SMYD3: variants seen among roughly 807,000 people sequenced by gnomAD.
The protein encoded by SMYD3 is SET and MYND domain containing 3, also known as histone-lysine N-methyltransferase SMYD3.
Under a neutral mutation model 57.7 loss-of-function variants are expected in SMYD3, and 36 were observed. The observed-to-expected ratio is 0.62, with a 90% CI of 0.48 to 0.82. SMYD3 has a LOEUF of 0.82. Ranked by LOEUF, SMYD3 falls within the 40% of genes least tolerant of loss-of-function variation. The pLI is 0.00. For missense variants in SMYD3, 515 were observed against 538.8 expected (o/e 0.96, Z 0.44); for synonymous variants, 211 against 195.0 (o/e 1.08, Z -0.68).
chr1:246,005,354 C>T lies in SMYD3; in HGVS notation c.532-75417G>A, dbSNP rs558831666. ...AAAGCAAACGCTTACAGCTGGAAGACCATCACATATGGTGGAGCCAACGCT... is the reference window on the plus strand; with the variant it reads ...AAAGCAAACGCTTACAGCTGGAAGATCATCACATATGGTGGAGCCAACGCT... On this transcript the variant is annotated intron_variant, in intron 5 of 11. Coordinates refer to ENST00000490107, the MANE Select transcript of SMYD3 (RefSeq NM_001167740.2). 5.9e-5 allele frequency among the ~76,000 whole-genome samples: 9 copies of T among 152,308 alleles called. No homozygotes were observed. The East Asian group carries it at 1.7e-3, about 29-fold the overall frequency.
intron 1 of SMYD3, among the ~76,000 whole-genome samples, chr1:246,470,484 G>C (rs2067943967): frequency 7.3e-6 from 1 of 137,146 alleles, no homozygotes; most frequent in East Asian, 2.1e-4. Flanking sequence ...GACAGAGCAA[G>C]AATCTGTCTA....
At chr1:246,319,544 T>C (rs2065214229) in intron 5 of SMYD3, among the ~76,000 whole-genome samples, 1 of 152,234 alleles carries the variant, frequency 6.6e-6, no homozygotes, top group Admixed American at 6.5e-5. Context: ...ATTCAAAAGA[T>C]TGCTTTCTTT....
intron 5 of SMYD3, among the ~76,000 whole-genome samples, chr1:245,960,705 T>A (rs1053413196): frequency 6.6e-6 from 1 of 150,724 alleles, no homozygotes; most frequent in Non-Finnish European, 1.5e-5. Flanking sequence ...CCAGCCTGGG[T>A]GACAGAAACC....
intron 5 of SMYD3, among the ~76,000 whole-genome samples, chr1:245,988,135 CA>C (rs2058741813): frequency 4.1e-5 from 6 of 146,248 alleles, no homozygotes; most frequent in African/African-American, 7.6e-5. Context: ...CACACACACA[CA>C]CACACCGCCA....
chr1:246,157,403 T>A (rs1558275485), intron 5 of SMYD3, among the ~76,000 whole-genome samples: 1 of 152,164 alleles, frequency 6.6e-6, no homozygotes, highest in Non-Finnish European at 1.5e-5. Flanking sequence ...AGCAATTCTG[T>A]TTCTTATAAA....
chr1:246,088,347 C>A (rs73139826), intron 5 of SMYD3, among the ~76,000 whole-genome samples: 12,180 of 151,996 alleles, frequency 0.08, 599 homozygotes, highest in African/African-American at 0.13. Context: ...AGAGTAATCA[C>A]GCCTGTAATC....
chr1:246,478,910 G>T (rs12070678), intron 1 of SMYD3, among the ~76,000 whole-genome samples: 5 of 29,008 alleles, frequency 1.7e-4, no homozygotes, highest in South Asian at 2.2e-3. Flanking sequence ...ATAAGTGCTC[G>T]TATATGTACA....
chr1:246,443,462 C>T (rs565710578), intron 1 of SMYD3, among the ~76,000 whole-genome samples: 8 of 152,258 alleles, frequency 5.3e-5, no homozygotes, highest in South Asian at 2.1e-4. Flanking sequence ...CTCAGAAAAG[C>T]GATTCAGCAA....
intron 10 of SMYD3, among the ~76,000 whole-genome samples, chr1:245,791,254 G>A (rs1051107198): frequency 3.3e-5 from 5 of 152,118 alleles, no homozygotes; most frequent in Admixed American, 2.0e-4. Flanking sequence ...AAAATCAGTT[G>A]GGGGAAAGAG....
At chr1:246,111,398 C>T (rs1299242222) in intron 5 of SMYD3, 1 of 152,206 alleles carries the variant, frequency 6.6e-6, no homozygotes, top group Non-Finnish European at 1.5e-5. Flanking sequence ...ACTGAGCAAG[C>T]AGTGGTCCTT....
At chr1:246,375,167 T>C (rs2066255037) in intron 1 of SMYD3, among the ~76,000 whole-genome samples, 1 of 152,080 alleles carries the variant, frequency 6.6e-6, no homozygotes, top group Admixed American at 6.6e-5. Context: ...ACTGATCAGG[T>C]GACAAATATG....
intron 5 of SMYD3, chr1:246,193,775 A>T (rs2062781666): frequency 6.6e-6 from 1 of 152,260 alleles, no homozygotes; most frequent in Non-Finnish European, 1.5e-5. Flanking sequence ...AGTTCTTCCG[A>T]GCCGCAGACG....
At chr1:245,922,004 T>A (rs969372392) in intron 7 of SMYD3, among the ~76,000 whole-genome samples, 2 of 152,190 alleles carry the variant, frequency 1.3e-5, no homozygotes, top group Admixed American at 1.3e-4. Flanking sequence ...ATTATTTTTT[T>A]AAAAATCACA....
intron 5 of SMYD3, among the ~76,000 whole-genome samples, chr1:246,018,785 T>C (rs2059421131): frequency 6.7e-6 from 1 of 149,352 alleles, no homozygotes; most frequent in South Asian, 2.1e-4. Context: ...TTTTTTTTCC[T>C]GTAGAGATGG....
intron 10 of SMYD3, among the ~76,000 whole-genome samples, chr1:245,853,624 G>A (rs1307982983): frequency 2.0e-5 from 3 of 152,136 alleles, no homozygotes; most frequent in Admixed American, 1.3e-4. Flanking sequence ...AGAACAACTG[G>A]AGTTCTTCAG....
intron 8 of SMYD3, among the ~76,000 whole-genome samples, chr1:245,905,077 G>A (rs111514366): frequency 3.3e-5 from 5 of 151,960 alleles, no homozygotes; most frequent in Admixed American, 6.6e-5. Flanking sequence ...CTTGGGCCCC[G>A]AATAACCAGC....
At chr1:246,029,984 A>T (rs2059642423) in intron 5 of SMYD3, among the ~76,000 whole-genome samples, 2 of 150,396 alleles carry the variant, frequency 1.3e-5, no homozygotes, top group South Asian at 4.2e-4. Flanking sequence ...CAATCCCAGC[A>T]CTGGGTTTCC....
intron 8 of SMYD3, among the ~76,000 whole-genome samples, chr1:245,877,018 G>A (rs923668286): frequency 6.6e-6 from 1 of 152,144 alleles, no homozygotes; most frequent in African/African-American, 2.4e-5. Context: ...CAGGCTTGGA[G>A]GCTATGGAAG....
intron 5 of SMYD3, among the ~76,000 whole-genome samples, chr1:246,088,991 T>A (rs771227387): frequency 2.0e-5 from 3 of 152,210 alleles, no homozygotes; most frequent in Non-Finnish European, 2.9e-5. Flanking sequence ...TGAGATGATC[T>A]TTTATTTTTT....
Sources: allele counts gnomAD v4.1 joint callset (sites outside exome capture counted in the v4.1 genomes callset), GRCh38; gene constraint gnomAD v4.1.1; transcripts MANE v1.5; gene names NCBI Gene and HGNC (gene_info 2026-07-23, HGNC 2026-07-21).